Variants in BCAS3 observed in about 807,000 individuals in gnomAD.
BCAS3 encodes BCAS4/BCAS3 fusion.
In BCAS3, 53 loss-of-function variants were observed where a neutral mutation model predicts 116.1. That is an observed-to-expected ratio of 0.46 (90% CI 0.37 to 0.57). The LOEUF (loss-of-function observed/expected upper bound fraction) is 0.57. BCAS3 is among the 20% of genes least tolerant of loss of function. The probability of loss-of-function intolerance (pLI) is 0.00; values close to 1 mark genes in which losing one functional copy is unlikely to be tolerated. For synonymous variants in BCAS3, 391 were observed against 408.2 expected (o/e 0.96, Z 0.51); for missense variants, 917 against 1,165.4 (o/e 0.79, Z 3.10).
At chr17:61,111,182 T>G (rs1222744320) in intron 22 of BCAS3, among the ~76,000 whole-genome samples, 1 of 151,874 alleles carries the variant, frequency 6.6e-6, no homozygotes, top group Non-Finnish European at 1.5e-5. Context: ...AGAGCGTCTC[T>G]CCTCCTCCAA....
chr17:60,929,171 G>GT (rs1227731125), intron 13 of BCAS3, among the ~76,000 whole-genome samples: 1 of 152,168 alleles, frequency 6.6e-6, no homozygotes, highest in South Asian at 2.1e-4. Context: ...TATAATCCCA[G>GT]TGACCCAGGA....
chr17:60,989,751 C>G, intron 14 of BCAS3, among the ~76,000 whole-genome samples: 1 of 152,134 alleles, frequency 6.6e-6, no homozygotes, highest in East Asian at 1.9e-4. Context: ...TCTTCAGGAT[C>G]CTGTATCCCT....
At chr17:60,697,540 A>G (rs757875193) in intron 4 of BCAS3, among the ~76,000 whole-genome samples, 1 of 146,770 alleles carries the variant, frequency 6.8e-6, no homozygotes, top group Non-Finnish European at 1.5e-5. Context: ...CTGAGATTGC[A>G]CCACTGCACT....
chr17:61,078,250 G>A, intron 20 of BCAS3, 83 bp from the exon 21 acceptor site: 1 of 1,109,592 alleles, frequency 9.0e-7, no homozygotes, highest in South Asian at 1.6e-5. Context: ...GAATGTGGGT[G>A]TTAAGAGGAA....
rs1266520179 is a variant in BCAS3, at chr17:61,151,360, A to G, written c.2425+66796A>G. Among the ~76,000 whole-genome samples, 1 of 151,854 alleles carries G rather than the reference A, an allele frequency of 6.6e-6. No individual in the cohort carries two copies. The highest frequency in any genetic ancestry group is 6.6e-5 in the Admixed American group (1 of 15,252). ...ATTTCGGATAGGGGATAATCAACCT[A>G]TACCACTACCTCCTCCTCCTGTTTT... On this transcript the variant is annotated intron_variant, in intron 22 of 23. Coordinates refer to ENST00000407086, the MANE Select transcript of BCAS3 (RefSeq NM_017679.5). This position sits in a 1 kb window ranked among gnomAD's most constrained non-coding sequence, Gnocchi z 4.8.
intron 22 of BCAS3, among the ~76,000 whole-genome samples, chr17:61,146,409 A>G (rs2077217894): frequency 6.6e-6 from 1 of 151,874 alleles, no homozygotes; most frequent in Non-Finnish European, 1.5e-5. Context: ...GAGCCACTGT[A>G]AGCGACTATC....
At position 60,902,712 on chromosome 17, in the gene BCAS3, C is replaced by A; in HGVS notation, c.822+9C>A. 6.3e-7 allele frequency: 1 copy of A among 1,583,208 alleles called. No homozygotes were observed. Among genetic ancestry groups the A allele is most frequent in the South Asian group, 1.1e-5 (1 of 90,252 alleles). On this transcript the variant is annotated intron_variant, in intron 11 of 23. Coordinates refer to ENST00000407086, the MANE Select transcript of BCAS3 (RefSeq NM_017679.5). ...TCATTAGTGCTGCTAAAGTGAGTACCTCCGAAATCTTGGAGAGTTGTGGTT... is the reference window on the plus strand; with the variant it reads ...TCATTAGTGCTGCTAAAGTGAGTACATCCGAAATCTTGGAGAGTTGTGGTT...
At chr17:61,191,323 G>A (rs1282879434) in intron 22 of BCAS3, among the ~76,000 whole-genome samples, 1 of 151,972 alleles carries the variant, frequency 6.6e-6, no homozygotes, top group Non-Finnish European at 1.5e-5. Flanking sequence ...TAGAAAGTGA[G>A]CAAGTAGGAG....
intron 22 of BCAS3, among the ~76,000 whole-genome samples, chr17:61,201,637 G>C (rs887932724): frequency 2.0e-5 from 3 of 152,158 alleles, no homozygotes; most frequent in Non-Finnish European, 4.4e-5. Flanking sequence ...AATGGTGAGA[G>C]AGGGTACCAT....
Position 60,995,996 on chromosome 17 carries a change from G to C in BCAS3, c.1486+5761G>C, listed in dbSNP as rs549422012. ...GAGAGAAATTCATATAGAACAGCCT[G>C]TGTAAAATCCTGAGGTGGGAGTGTG... On this transcript the variant is annotated intron_variant, in intron 15 of 23. Coordinates refer to ENST00000407086, the MANE Select transcript of BCAS3 (RefSeq NM_017679.5). This position sits in a 1 kb window ranked among gnomAD's most constrained non-coding sequence, Gnocchi z 4.7. Among the ~76,000 whole-genome samples, 2 of 152,178 alleles carry C rather than the reference G, an allele frequency of 1.3e-5. No homozygotes were observed. The highest frequency in any genetic ancestry group is 2.9e-5 in the Non-Finnish European group (2 of 68,028).
intron 19 of BCAS3, among the ~76,000 whole-genome samples, chr17:61,055,549 CT>C (rs920687977): frequency 6.6e-6 from 1 of 152,140 alleles, no homozygotes; most frequent in African/African-American, 2.4e-5. Context: ...CCTCTGCCCC[CT>C]GGGTCATTGA....
intron 19 of BCAS3, chr17:61,070,262 A>T (rs1340851787): frequency 6.8e-7 from 1 of 1,480,092 alleles, no homozygotes; most frequent in Non-Finnish European, 9.3e-7. Flanking sequence ...ATTTGGCCTG[A>T]TGGAGAGAAG....
At chr17:60,802,183 C>A (rs2047845737) in intron 6 of BCAS3, among the ~76,000 whole-genome samples, 1 of 150,974 alleles carries the variant, frequency 6.6e-6, no homozygotes, top group Non-Finnish European at 1.5e-5. Context: ...ACTTGGGAGG[C>A]TGAGGCAGGA....
At position 60,837,959 on chromosome 17, in the gene BCAS3, C is replaced by T. The variant is rs936116005; in HGVS notation, c.476+29883C>T. On this transcript the variant is annotated intron_variant, in intron 7 of 23. Coordinates refer to ENST00000407086, the MANE Select transcript of BCAS3 (RefSeq NM_017679.5). ...AGCCACCGTGCCTGGCCACACAATA[C>T]TTTTTAAAAATTCAATTTTAAATTA... Among the ~76,000 whole-genome samples, 4 of 152,176 alleles carry T rather than the reference C, an allele frequency of 2.6e-5. No homozygotes were observed. The East Asian group carries it at 5.8e-4, about 22-fold the overall frequency.
chr17:60,936,783 C>CA (rs1477875576), intron 13 of BCAS3, among the ~76,000 whole-genome samples: 1 of 152,142 alleles, frequency 6.6e-6, no homozygotes, highest in Non-Finnish European at 1.5e-5. Flanking sequence ...GAGTAGATTG[C>CA]AAAAATTTTC....
intron 6 of BCAS3, among the ~76,000 whole-genome samples, chr17:60,802,922 G>T (rs1034487123): frequency 6.6e-6 from 1 of 152,100 alleles, no homozygotes; most frequent in African/African-American, 2.4e-5. Flanking sequence ...CAGTCTATTT[G>T]TCGACTTTTA....
Position 61,269,809 on chromosome 17 carries a change from T to C in BCAS3, c.2426-98518T>C, listed in dbSNP as rs867860005. 9.1e-4 allele frequency among the ~76,000 whole-genome samples: 139 copies of C among 152,046 alleles called. 2 individuals are homozygous for C. Among genetic ancestry groups the C allele is most frequent in the African/African-American group, 3.3e-3 (137 of 41,532 alleles). ...TGGCCTTTTTCTTTCTTTCTTTTTTTTTTTTTTTAATTAAGACAAGGTCTT... is the reference window on the plus strand; with the variant it reads ...TGGCCTTTTTCTTTCTTTCTTTTTTCTTTTTTTTAATTAAGACAAGGTCTT... On this transcript the variant is annotated intron_variant, in intron 22 of 23. Transcript: ENST00000407086.
chr17:60,728,024 T>C (rs556590666), intron 5 of BCAS3, among the ~76,000 whole-genome samples: 2 of 152,066 alleles, frequency 1.3e-5, no homozygotes, highest in African/African-American at 4.8e-5. Flanking sequence ...ACCCAGGCTG[T>C]TCTGGAACTC....
At chr17:61,038,732 G>A (rs149802793) in intron 18 of BCAS3, among the ~76,000 whole-genome samples, 6,057 of 141,326 alleles carry the variant, frequency 0.043, 457 homozygotes, top group African/African-American at 0.14. Context: ...GCAGTGGCAC[G>A]ATCTCAGCTC....
Sources: gnomAD v4.1 joint callset for allele counts (sites outside exome capture counted in the v4.1 genomes callset) on GRCh38, gnomAD v4.1.1 for gene constraint, Gnocchi (gnomAD v3.1) non-coding constraint, MANE v1.5 for transcripts, NCBI Gene and HGNC (gene_info 2026-07-23, HGNC 2026-07-21) for gene names.